ADARB1: variants seen among roughly 807,000 people sequenced by gnomAD.
ADARB1 encodes the protein adenosine deaminase RNA specific B1.
ADARB1 carries 10 observed loss-of-function variants against 52.4 expected under a neutral mutation model. The observed-to-expected ratio is 0.19, with a 90% CI of 0.12 to 0.32. The LOEUF (loss-of-function observed/expected upper bound fraction) is 0.32. ADARB1 is among the 10% of genes least tolerant of loss of function. The probability of loss-of-function intolerance (pLI) is 1.00; values close to 1 mark genes in which losing one functional copy is unlikely to be tolerated. For missense variants in ADARB1, 643 were observed against 922.3 expected (o/e 0.70, Z 3.92); for synonymous variants, 349 against 371.1 (o/e 0.94, Z 0.68).
chr21:45,085,796 T>C (rs762702940), intron 1 of ADARB1, among the ~76,000 whole-genome samples: 1 of 152,264 alleles, frequency 6.6e-6, no homozygotes, highest in Non-Finnish European at 1.5e-5. Context: ...CTGTGAGGAA[T>C]TGATTCTGTT....
At chr21:45,211,547 A>G (rs1245470448) in intron 9 of ADARB1, among the ~76,000 whole-genome samples, 1 of 152,204 alleles carries the variant, frequency 6.6e-6, no homozygotes, top group Non-Finnish European at 1.5e-5. Flanking sequence ...TATATTATTC[A>G]TTTTTGATTA....
At chr21:45,075,021 G>T (rs1166150498) in intron 1 of ADARB1, among the ~76,000 whole-genome samples, 2 of 151,344 alleles carry the variant, frequency 1.3e-5, no homozygotes, top group Non-Finnish European at 3.0e-5. Context: ...AGGAAGCTGC[G>T]CCCGGGCGGC....
At chr21:45,085,073 T>C (rs754963444) in intron 1 of ADARB1, among the ~76,000 whole-genome samples, 9 of 152,198 alleles carry the variant, frequency 5.9e-5, no homozygotes, top group Non-Finnish European at 1.3e-4. Context: ...ATGCCGCTGG[T>C]GGGCCCTCTG....
intron 1 of ADARB1, among the ~76,000 whole-genome samples, chr21:45,091,549 C>A (rs116095353): frequency 0.014 from 2,142 of 152,244 alleles, 48 homozygotes; most frequent in African/African-American, 0.049. Flanking sequence ...TATTCCCCAC[C>A]AGCATGATCT....
intron 9 of ADARB1, among the ~76,000 whole-genome samples, chr21:45,210,654 G>A (rs1036251275): frequency 2.6e-5 from 4 of 152,146 alleles, no homozygotes; most frequent in Non-Finnish European, 4.4e-5. Context: ...GGAAGCAGCC[G>A]CAGCCGGCAG....
chr21:45,176,311 G>T lies in ADARB1; in HGVS notation c.610G>T (p.Gly204Trp). 2 of 1,614,040 alleles carry T rather than the reference G, an allele frequency of 1.2e-6. No individual in the cohort carries two copies. The highest frequency in any genetic ancestry group is 1.7e-6 in the Non-Finnish European group (2 of 1,179,958). The change falls in exon 4 of 11, where the codon GGG becomes TGG. Residue 204 changes from glycine to tryptophan, a missense_variant. By Grantham distance (184) the Gly-to-Trp change is radical. Around this residue, in one of 2 missense-constraint regions of ADARB1, gnomAD observed 380 missense variants for 446.5 expected, o/e 0.85. Transcript: ENST00000348831. The surrounding 1 kb of genome is among the most constrained non-coding windows in gnomAD (Gnocchi z 5.8). ...TGGGGATGACTCCTTCAGTTCCAGC[G>T]GGGACCTCAGCTTGTCTGCTTCCCC... is the stretch of plus-strand genomic sequence containing the variant. Reference protein sequence around the residue: ...SNGDDSFSSSGDLSLSASPVP... With the variant: ...SNGDDSFSSSWDLSLSASPVP...
At position 45,123,112 on chromosome 21, in the gene ADARB1, A is replaced by G. The variant is rs111704908; in HGVS notation, c.-219-5290A>G. 4.5e-3 allele frequency among the ~76,000 whole-genome samples: 688 copies of G among 152,110 alleles called. 9 individuals are homozygous for G. The highest frequency in any genetic ancestry group is 0.016 in the African/African-American group (643 of 41,462). On this transcript the variant is annotated intron_variant, in intron 1 of 10. Coordinates refer to ENST00000348831, the MANE Select transcript of ADARB1 (RefSeq NM_001112.4). ...TTCTAATACATTTTTATTGTGAGAT[A>G]CCTTTCTTGAACATGGACACATATA...
At position 45,171,332 on chromosome 21, in the gene ADARB1, T is replaced by G. The variant is rs1034185263; in HGVS notation, c.-47-278T>G. On this transcript the variant is annotated intron_variant, in intron 2 of 10. Coordinates refer to ENST00000348831, the MANE Select transcript of ADARB1 (RefSeq NM_001112.4). ...CTGAACCTCCCTTGCTGGGACCTGG[T>G]CCCACCCTCATCATCCCTCCATGTG... Among the ~76,000 whole-genome samples the G allele has an allele frequency of 3.9e-5, 6 of 152,296 alleles. 1 individual carries two copies. In the South Asian group the frequency reaches 1.2e-3, roughly 32 times the overall value.
Position 45,220,912 on chromosome 21 carries a change from T to C in ADARB1, c.1824T>C (p.Ala608=), listed in dbSNP as rs1364198078. The change falls in exon 10 of 11, where the codon GCT becomes GCC. Residue 608 remains alanine (A), a synonymous_variant. Transcript: ENST00000348831. The surrounding 1 kb of genome is among the most constrained non-coding windows in gnomAD (Gnocchi z 6.3). Reference sequence around the variant, plus strand: ...TCAACTGGACGGTAGGCGACTCCGCTATTGAGGTCATCAACGCCACGACTG... The same window carrying C: ...TCAACTGGACGGTAGGCGACTCCGCCATTGAGGTCATCAACGCCACGACTG... ...FSVNWTVGDS[A]IEVINATTGK... The C allele has an allele frequency of 1.9e-6, 3 of 1,613,460 alleles. No individual in the cohort carries two copies. The highest frequency in any genetic ancestry group is 2.5e-6 in the Non-Finnish European group (3 of 1,180,042).
rs114761865 is a variant in ADARB1 at position 45,136,221 on chromosome 21, T to A, written c.-48+7648T>A. On this transcript the variant is annotated intron_variant, in intron 2 of 10. Transcript: ENST00000348831. ...TCTCTGAGCTCTGGTTCTGGCCTCCTGTCAGGTGCCCTCGTGCGGGAATGA... is the reference window on the plus strand; with the variant it reads ...TCTCTGAGCTCTGGTTCTGGCCTCCAGTCAGGTGCCCTCGTGCGGGAATGA... 8.5e-3 allele frequency among the ~76,000 whole-genome samples: 1,294 copies of A among 152,286 alleles called. 16 individuals carry two copies. Among genetic ancestry groups the A allele is most frequent in the African/African-American group, 0.029 (1,225 of 41,548 alleles).
chr21:45,155,272 G>A (rs2090496448), intron 2 of ADARB1, among the ~76,000 whole-genome samples: 1 of 152,116 alleles, frequency 6.6e-6, no homozygotes, highest in Admixed American at 6.5e-5. Flanking sequence ...TGCTCCCCCT[G>A]AGTACTTCTG....
At chr21:45,201,649 G>C (rs142238846) in intron 8 of ADARB1, among the ~76,000 whole-genome samples, 89 of 152,344 alleles carry the variant, frequency 5.8e-4, no homozygotes, top group South Asian at 4.3e-3. Context: ...TCTTCTGTAT[G>C]TGCCAGGTAC....
At chr21:45,117,058 C>T (rs534127803) in intron 1 of ADARB1, 10 of 152,200 alleles carry the variant, frequency 6.6e-5, no homozygotes, top group Non-Finnish European at 1.0e-4. Flanking sequence ...TTAATTTTCA[C>T]TGTATAACAT....
chr21:45,097,171 T>G (rs1306747579), intron 1 of ADARB1, among the ~76,000 whole-genome samples: 1 of 152,198 alleles, frequency 6.6e-6, no homozygotes, highest in Non-Finnish European at 1.5e-5. Flanking sequence ...ATGGGTGGGG[T>G]TGGCCCTTTC....
At chr21:45,150,361 TAACAA>T (rs1861590693) in intron 2 of ADARB1, among the ~76,000 whole-genome samples, 1 of 152,182 alleles carries the variant, frequency 6.6e-6, no homozygotes, top group Admixed American at 6.5e-5. Context: ...TTTAAGGAAA[TAACAA>T]AGCAAAAATT....
chr21:45,226,447 T>G lies in ADARB1; in HGVS notation c.*4250T>G, dbSNP rs995211563. The stretch of plus-strand genomic sequence containing the variant: ...TGTAAATCTGTGTATACACCACACG[T>G]TACAACTGCATGAGCTTCCTCTCGC... On this transcript the variant is annotated 3_prime_UTR_variant, in exon 11 of 11. Transcript: ENST00000348831. 2.0e-5 allele frequency: 3 copies of G among 152,638 alleles called. No individual in the cohort carries two copies. Among genetic ancestry groups the G allele is most frequent in the African/African-American group, 7.2e-5 (3 of 41,454 alleles). 9.5% of individuals were successfully genotyped at this position (152,638 alleles called of 1,614,324 possible).
At chr21:45,173,816 A>C (rs200037620) in intron 3 of ADARB1, among the ~76,000 whole-genome samples, 1 of 151,954 alleles carries the variant, frequency 6.6e-6, no homozygotes, top group East Asian at 1.9e-4. Context: ...TTTAGTGTCC[A>C]TTCCATCAGC....
At chr21:45,155,406 C>T (rs1353225216) in intron 2 of ADARB1, among the ~76,000 whole-genome samples, 1 of 152,110 alleles carries the variant, frequency 6.6e-6, no homozygotes, top group African/African-American at 2.4e-5. Context: ...ATGACTCTCA[C>T]CTTACAAAGA....
chr21:45,122,717 C>T (rs1305302016), intron 1 of ADARB1, among the ~76,000 whole-genome samples: 2 of 152,186 alleles, frequency 1.3e-5, no homozygotes, highest in Non-Finnish European at 2.9e-5. Context: ...CCACCAGTTT[C>T]GCAGGATGGC....
Sources: gnomAD v4.1 joint callset for allele counts (sites outside exome capture counted in the v4.1 genomes callset) on GRCh38, gnomAD v4.1.1 for gene constraint, gnomAD v4.1.1 regional missense constraint, Gnocchi (gnomAD v3.1) non-coding constraint, MANE v1.5 for transcripts, NCBI Gene and HGNC (gene_info 2026-07-23, HGNC 2026-07-21) for gene names.